Variants in MECOM observed in about 807,000 individuals in gnomAD.
The protein encoded by MECOM is MDS1 and EVI1 complex locus, also known as histone-lysine N-methyltransferase MECOM.
MECOM carries 13 observed loss-of-function variants against 116.3 expected under a neutral mutation model. The observed-to-expected ratio is 0.11, with a 90% CI of 0.07 to 0.18. The LOEUF is 0.18. Among genes scored for constraint, MECOM ranks in the 10% least tolerant of loss-of-function variants. The pLI, the probability that MECOM is intolerant of heterozygous loss-of-function variation, is 1.00. For synonymous variants in MECOM, 528 were observed against 535.2 expected, an observed-to-expected ratio of 0.99 and a Z score of 0.19; for missense variants, 1,299 against 1,509.0, an observed-to-expected ratio of 0.86 and a Z score of 2.31.
chr3:169,138,123 C>T (rs1455332587), intron 3 of MECOM, among the ~76,000 whole-genome samples: 5 of 152,080 alleles, frequency 3.3e-5, no homozygotes, highest in African/African-American at 1.2e-4. Context: ...AAACATTATC[C>T]TCCTTCATGG....
intron 1 of MECOM, chr3:169,477,103 G>GTA (rs1235414327): frequency 8.5e-4 from 48 of 56,160 alleles, no homozygotes; most frequent in African/African-American, 3.1e-3. Context: ...GTGTGTGTGT[G>GTA]TGTATATATA....
intron 2 of MECOM, among the ~76,000 whole-genome samples, chr3:169,217,035 C>T (rs1232324175): frequency 6.6e-6 from 1 of 152,100 alleles, no homozygotes; most frequent in African/African-American, 2.4e-5. Flanking sequence ...GACAGATACC[C>T]CATCTCTGTG....
chr3:169,286,829 C>T (rs1403316016), intron 2 of MECOM, among the ~76,000 whole-genome samples: 5 of 152,094 alleles, frequency 3.3e-5, no homozygotes, highest in Admixed American at 2.0e-4. Flanking sequence ...TCCAACGCCC[C>T]GAGAAGAACC....
intron 1 of MECOM, among the ~76,000 whole-genome samples, chr3:169,405,522 T>TCAAGG (rs1338298962): frequency 2.0e-5 from 3 of 152,198 alleles, no homozygotes; most frequent in Non-Finnish European, 4.4e-5. Flanking sequence ...GGGGAGACTC[T>TCAAGG]CAAGGCTTTG....
chr3:169,265,556 T>C (rs1758173786), intron 2 of MECOM, among the ~76,000 whole-genome samples: 1 of 152,232 alleles, frequency 6.6e-6, no homozygotes, highest in Non-Finnish European at 1.5e-5. Flanking sequence ...AGTGTCATCA[T>C]AAGGTTCTTT....
intron 1 of MECOM, 35 bp downstream of exon 1, chr3:169,663,301 G>A (rs1429466960): frequency 6.3e-7 from 1 of 1,594,808 alleles, no homozygotes. Flanking sequence ...GCAGAGGAGG[G>A]GGAAAAGCCA....
intron 4 of MECOM, among the ~76,000 whole-genome samples, 196 bp downstream of exon 4, chr3:169,131,233 C>T (rs1173821222): frequency 6.6e-6 from 1 of 152,226 alleles, no homozygotes; most frequent in African/African-American, 2.4e-5. Flanking sequence ...AGGAAGACCT[C>T]TGCTTACTTC....
chr3:169,138,069 T>C (rs958500368), intron 3 of MECOM, among the ~76,000 whole-genome samples: 1 of 152,088 alleles, frequency 6.6e-6, no homozygotes, highest in Non-Finnish European at 1.5e-5. Context: ...AAGATCATCT[T>C]TGGTGTTTTA....
intron 1 of MECOM, among the ~76,000 whole-genome samples, chr3:169,469,983 T>C (rs1388324061): frequency 6.6e-6 from 1 of 152,190 alleles, no homozygotes; most frequent in Non-Finnish European, 1.5e-5. Flanking sequence ...CCTAAGAAAC[T>C]GATATGATAT....
intron 1 of MECOM, among the ~76,000 whole-genome samples, chr3:169,430,905 A>T (rs946116972): frequency 2.0e-5 from 3 of 152,212 alleles, no homozygotes; most frequent in Non-Finnish European, 2.9e-5. Flanking sequence ...CACAAGGCCT[A>T]TTTAGACATC....
chr3:169,474,716 T>C (rs1308915853), intron 1 of MECOM, among the ~76,000 whole-genome samples: 1 of 151,876 alleles, frequency 6.6e-6, no homozygotes, highest in East Asian at 1.9e-4. Flanking sequence ...AAACTCTGAG[T>C]TTTTTATGCT....
intron 1 of MECOM, among the ~76,000 whole-genome samples, chr3:169,516,889 A>G (rs1756695796): frequency 6.6e-6 from 1 of 152,222 alleles, no homozygotes; most frequent in Non-Finnish European, 1.5e-5. Context: ...ACCTAAATTT[A>G]AAAAACCTAA....
intron 7 of MECOM, among the ~76,000 whole-genome samples, chr3:169,118,915 C>T (rs924245120): frequency 3.9e-5 from 6 of 152,186 alleles, no homozygotes; most frequent in Non-Finnish European, 7.3e-5. Flanking sequence ...CCACAAACTA[C>T]CAGGCCTCCA....
At chr3:169,297,059 T>C (rs1189129484) in intron 2 of MECOM, among the ~76,000 whole-genome samples, 1 of 152,248 alleles carries the variant, frequency 6.6e-6, no homozygotes, top group Admixed American at 6.5e-5. Context: ...AATAATTAAA[T>C]TGTCTTTAGT....
At chr3:169,166,256 A>G (rs369465961) in intron 2 of MECOM, among the ~76,000 whole-genome samples, 8 of 152,304 alleles carry the variant, frequency 5.3e-5, no homozygotes, top group East Asian at 1.9e-4. Flanking sequence ...AGGTTAATGT[A>G]CACTGGAACA....
chr3:169,503,005 A>T (rs909817205), intron 1 of MECOM, among the ~76,000 whole-genome samples: 4 of 152,208 alleles, frequency 2.6e-5, no homozygotes, highest in Admixed American at 6.5e-5. Context: ...CACTAACAAC[A>T]ATAATGGCAA....
intron 1 of MECOM, among the ~76,000 whole-genome samples, chr3:169,508,397 A>G (rs144823802): frequency 6.7e-6 from 1 of 150,144 alleles, no homozygotes; most frequent in African/African-American, 2.5e-5. Context: ...GCTTCTATAG[A>G]AAGGTGGGAG....
intron 2 of MECOM, among the ~76,000 whole-genome samples, chr3:169,238,174 C>CAAAAA (rs869078937): frequency 4.2e-5 from 3 of 72,072 alleles, no homozygotes; most frequent in Admixed American, 1.4e-4. Flanking sequence ...GACTCCATCT[C>CAAAAA]AAAAAAAAAA....
chr3:169,200,606 G>C (rs76061639), intron 2 of MECOM, among the ~76,000 whole-genome samples: 1 of 152,002 alleles, frequency 6.6e-6, no homozygotes, highest in African/African-American at 2.4e-5. Flanking sequence ...AAATGAAAGC[G>C]ATCTTAGTTT....
Sources: gnomAD v4.1 joint callset for allele counts (sites outside exome capture counted in the v4.1 genomes callset) on GRCh38, gnomAD v4.1.1 for gene constraint, MANE v1.5 for transcripts, NCBI Gene and HGNC (gene_info 2026-07-23, HGNC 2026-07-21) for gene names.